The following EPHA3 variants were observed in gnomAD, a reference collection of about 807,000 sequenced individuals.
EPHA3 encodes the protein ephrin type-A receptor 3.
In EPHA3, 42 loss-of-function variants were observed where a neutral mutation model predicts 107.1. The observed-to-expected ratio is 0.39, with a 90% CI of 0.31 to 0.51. The LOEUF is 0.51. EPHA3 is among the 20% of genes least tolerant of loss of function. EPHA3 has a pLI of 0.78. For synonymous variants in EPHA3, 461 were observed against 424.8 expected, an observed-to-expected ratio of 1.09 and a Z score of -1.05; for missense variants, 1,183 against 1,211.2, an observed-to-expected ratio of 0.98 and a Z score of 0.35.
intron 7 of EPHA3, among the ~76,000 whole-genome samples, chr3:89,402,930 G>A (rs1708994289): frequency 6.6e-6 from 1 of 152,068 alleles, no homozygotes; most frequent in Non-Finnish European, 1.5e-5. Flanking sequence ...CGACTGCCTT[G>A]GCCTTCAAAA....
At chr3:89,196,489 C>A (rs571305126) in intron 2 of EPHA3, among the ~76,000 whole-genome samples, 1 of 148,212 alleles carries the variant, frequency 6.7e-6, no homozygotes, top group Admixed American at 6.6e-5. Flanking sequence ...GTCACTAGTG[C>A]ATAACAGGTG....
chr3:89,237,569 A>T (rs1275824186), intron 3 of EPHA3, among the ~76,000 whole-genome samples: 1 of 152,176 alleles, frequency 6.6e-6, no homozygotes, highest in African/African-American at 2.4e-5. Context: ...ACTGACTTGT[A>T]TAAAAAGTTA....
chr3:89,190,331 C>T (rs1236632983), intron 2 of EPHA3, among the ~76,000 whole-genome samples: 1 of 152,150 alleles, frequency 6.6e-6, no homozygotes, highest in African/African-American at 2.4e-5. Flanking sequence ...TCGTTGTTTG[C>T]CAGGTGAGTC....
Position 89,407,276 on chromosome 3 carries a change from C to T in EPHA3, c.1602C>T (p.Ser534=). Reference sequence around the variant, plus strand: ...TTCTCTTCAACCTCACAGCTTTCTCCATCTCTGGTGAAAGTAGCCAAGTGG... The same window carrying T: ...TTCTCTTCAACCTCACAGCTTTCTCTATCTCTGGTGAAAGTAGCCAAGTGG... ...FEFETSPDSF[S]ISGESSQVVM... is the part of the protein sequence containing the mutation. Residue 534 remains serine (S), a synonymous_variant, in exon 8 of 17, where the codon TCC becomes TCT. Coordinates refer to ENST00000336596, the MANE Select transcript of EPHA3 (RefSeq NM_005233.6). 1 of 1,613,030 alleles carries T rather than the reference C, an allele frequency of 6.2e-7. No homozygotes were observed. Among genetic ancestry groups the T allele is most frequent in the South Asian group, 1.1e-5 (1 of 91,046 alleles).
chr3:89,455,209 A>G (rs1289207676), intron 15 of EPHA3, among the ~76,000 whole-genome samples: 1 of 152,202 alleles, frequency 6.6e-6, no homozygotes, highest in African/African-American at 2.4e-5. Context: ...GAGGAAGGAA[A>G]TAAGTAAATG....
At chr3:89,119,303 A>G (rs966315759) in intron 1 of EPHA3, among the ~76,000 whole-genome samples, 2 of 152,212 alleles carry the variant, frequency 1.3e-5, no homozygotes, top group Admixed American at 6.5e-5. Flanking sequence ...TGCTATTCCT[A>G]TTATGACTAC....
intron 3 of EPHA3, among the ~76,000 whole-genome samples, chr3:89,329,663 A>T (rs1300342424): frequency 6.6e-6 from 1 of 152,126 alleles, no homozygotes; most frequent in Non-Finnish European, 1.5e-5. Flanking sequence ...AAAAATGGTT[A>T]TCTCTATATT....
At chr3:89,212,518 C>T (rs889229270) in intron 3 of EPHA3, among the ~76,000 whole-genome samples, 5 of 151,894 alleles carry the variant, frequency 3.3e-5, no homozygotes, top group African/African-American at 1.2e-4. Context: ...CCCAGCATAA[C>T]TCTTCTTACT....
intron 15 of EPHA3, among the ~76,000 whole-genome samples, chr3:89,458,110 A>G (rs1710136650): frequency 6.6e-6 from 1 of 152,220 alleles, no homozygotes; most frequent in Admixed American, 6.5e-5. Flanking sequence ...CATTGTATGT[A>G]ACAAGGTGTA....
intron 3 of EPHA3, among the ~76,000 whole-genome samples, chr3:89,307,831 A>G (rs1278995866): frequency 1.3e-5 from 2 of 152,112 alleles, no homozygotes; most frequent in East Asian, 3.9e-4. Context: ...TGGATTACAG[A>G]CATGAGTCAC....
chr3:89,213,393 G>T lies in EPHA3; in HGVS notation c.814+2873G>T, dbSNP rs80070872. 2.9e-3 allele frequency among the ~76,000 whole-genome samples: 446 copies of T among 152,012 alleles called. 9 individuals are homozygous for T. The East Asian group carries it at 0.054, about 19-fold the overall frequency. ...ACCAACTATCCATTCTTAGAATAGAGGTCCTGAAGAGAATAGACTTTACAT... is the reference window on the plus strand; with the variant it reads ...ACCAACTATCCATTCTTAGAATAGATGTCCTGAAGAGAATAGACTTTACAT... On this transcript the variant is annotated intron_variant, in intron 3 of 16. Coordinates refer to ENST00000336596, the MANE Select transcript of EPHA3 (RefSeq NM_005233.6).
intron 2 of EPHA3, among the ~76,000 whole-genome samples, chr3:89,173,516 T>C (rs1400874500): frequency 1.3e-5 from 2 of 152,186 alleles, no homozygotes; most frequent in African/African-American, 4.8e-5. Context: ...CTTAGTTCAA[T>C]ATCCTAAAGA....
At chr3:89,250,110 C>T (rs531874208) in intron 3 of EPHA3, among the ~76,000 whole-genome samples, 3 of 152,348 alleles carry the variant, frequency 2.0e-5, no homozygotes, top group African/African-American at 7.2e-5. Flanking sequence ...TGAAGTTCCA[C>T]ATTTCTAGTA....
chr3:89,164,214 T>C (rs1705010891), intron 2 of EPHA3, among the ~76,000 whole-genome samples: 1 of 152,156 alleles, frequency 6.6e-6, no homozygotes, highest in Non-Finnish European at 1.5e-5. Flanking sequence ...GAAGAATAAT[T>C]GTCTTTGCGC....
intron 9 of EPHA3, among the ~76,000 whole-genome samples, chr3:89,411,609 C>G (rs1709155331): frequency 6.6e-6 from 1 of 151,864 alleles, no homozygotes; most frequent in Non-Finnish European, 1.5e-5. Flanking sequence ...TACTCAAAAT[C>G]TCTATGAAAG....
At chr3:89,131,425 T>TGACTTAAATTGATTG (rs1704205481) in intron 2 of EPHA3, among the ~76,000 whole-genome samples, 1 of 152,182 alleles carries the variant, frequency 6.6e-6, no homozygotes, top group Admixed American at 6.5e-5. Context: ...TGCTTACACA[T>TGACTTAAATTGATTG]GACTTAAATT....
chr3:89,378,792 G>C (rs536352659), intron 5 of EPHA3, among the ~76,000 whole-genome samples: 2 of 152,262 alleles, frequency 1.3e-5, no homozygotes, highest in East Asian at 3.9e-4. Flanking sequence ...CTTTACTTAT[G>C]AAATCCAAAA....
intron 3 of EPHA3, among the ~76,000 whole-genome samples, chr3:89,232,033 G>T (rs1197816355): frequency 5.3e-5 from 8 of 152,132 alleles, no homozygotes; most frequent in Admixed American, 2.0e-4. Context: ...GGGCAGAAGG[G>T]AGGAGAGATT....
chr3:89,341,324 T>TTTA (rs1707516461), intron 4 of EPHA3, among the ~76,000 whole-genome samples: 1 of 152,192 alleles, frequency 6.6e-6, no homozygotes, highest in Non-Finnish European at 1.5e-5. Flanking sequence ...CTGTGTCTTG[T>TTTA]TTAGATCCTG....
Sources: allele counts gnomAD v4.1 joint callset (sites outside exome capture counted in the v4.1 genomes callset), GRCh38; gene constraint gnomAD v4.1.1; transcripts MANE v1.5; gene names NCBI Gene and HGNC (gene_info 2026-07-23, HGNC 2026-07-21).